Variants in ARHGEF11 observed in about 807,000 individuals in gnomAD.
The protein encoded by ARHGEF11 is Rho guanine nucleotide exchange factor 11.
Under a neutral mutation model 193.7 loss-of-function variants are expected in ARHGEF11, and 55 were observed. The observed-to-expected ratio is 0.28, with a 90% CI of 0.23 to 0.36. The LOEUF is 0.36. ARHGEF11 is among the 10% of genes least tolerant of loss of function. ARHGEF11 has a pLI of 1.00. For synonymous variants in ARHGEF11, 693 were observed against 768.0 expected (o/e 0.90, Z 1.62); for missense variants, 1,723 against 2,005.6 (o/e 0.86, Z 2.69).
chr1:156,939,259 C>A (rs929211375), intron 37 of ARHGEF11: 4 of 412,294 alleles, frequency 9.7e-6, no homozygotes, highest in Middle Eastern at 7.1e-4. Flanking sequence ...TTGGTTTGTG[C>A]CAGGCAGAAA....
chr1:156,984,458 T>C (rs758367056), intron 2 of ARHGEF11, 21 bp from the exon 3 acceptor site: 141 of 1,558,292 alleles, frequency 9.0e-5, no homozygotes, highest in Middle Eastern at 8.5e-4. Context: ...GAGAGAAAGG[T>C]TGAGTACGCA....
intron 6 of ARHGEF11, among the ~76,000 whole-genome samples, chr1:156,977,902 T>C (rs1663487866): frequency 6.6e-6 from 1 of 152,202 alleles, no homozygotes; most frequent in Admixed American, 6.5e-5. Context: ...GTGTACACTC[T>C]CTCTCTGATG....
intron 28 of ARHGEF11, 60 bp from the exon 29 acceptor site, chr1:156,946,222 G>A: frequency 1.4e-6 from 2 of 1,430,382 alleles, no homozygotes; most frequent in Non-Finnish European, 2.0e-6. Flanking sequence ...CTGGCTTATG[G>A]GCTCAGGGCC....
chr1:156,941,719 T>C (rs1434297150), intron 34 of ARHGEF11, 145 bp downstream of exon 34: 2 of 1,257,204 alleles, frequency 1.6e-6, no homozygotes, highest in South Asian at 1.4e-5. Context: ...TGTTCCTCCA[T>C]CTGCCAGCAC....
intron 1 of ARHGEF11, among the ~76,000 whole-genome samples, chr1:157,012,360 T>G (rs188712090): frequency 2.0e-5 from 3 of 152,108 alleles, no homozygotes; most frequent in Non-Finnish European, 4.4e-5. Flanking sequence ...GGGAAGAGCA[T>G]AGGGTTTCCA....
chr1:156,936,597 G>A (rs142739835), intron 40 of ARHGEF11, among the ~76,000 whole-genome samples: 58 of 147,208 alleles, frequency 3.9e-4, no homozygotes, highest in African/African-American at 1.4e-3. Context: ...ATAGCACAAG[G>A]AAAAAGAGGG....
At chr1:156,979,106 T>C (rs757658671) in intron 5 of ARHGEF11, 123 bp downstream of exon 5, 3 of 850,746 alleles carry the variant, frequency 3.5e-6, no homozygotes, top group South Asian at 1.5e-5. Flanking sequence ...GATGTGACTT[T>C]AGCTGCCTCA....
At chr1:156,950,811 T>C (rs2101987133) in intron 22 of ARHGEF11, among the ~76,000 whole-genome samples, 1 of 152,264 alleles carries the variant, frequency 6.6e-6, no homozygotes, top group South Asian at 2.1e-4. Context: ...CACAAGACCA[T>C]ATTACTCTAC....
chr1:157,045,831 C>A (rs939409632), upstream of ARHGEF11, among the ~76,000 whole-genome samples: 3 of 151,142 alleles, frequency 2.0e-5, no homozygotes, highest in East Asian at 1.9e-4. Flanking sequence ...CGGCCGCCCC[C>A]CTTCCCTCCC....
intron 1 of ARHGEF11, among the ~76,000 whole-genome samples, chr1:157,017,933 C>G (rs773597111): frequency 2.6e-5 from 4 of 151,898 alleles, no homozygotes; most frequent in African/African-American, 4.8e-5. Context: ...ATCAAGCAAG[C>G]TGATTCTAAA....
At chr1:156,983,369 C>T (rs1019925467) in intron 3 of ARHGEF11, among the ~76,000 whole-genome samples, 7 of 150,822 alleles carry the variant, frequency 4.6e-5, no homozygotes, top group African/African-American at 1.7e-4. Context: ...CTACAGGCGC[C>T]TGCCACCACG....
intron 36 of ARHGEF11, 31 bp downstream of exon 36, chr1:156,940,176 G>C: frequency 6.5e-7 from 1 of 1,540,004 alleles, no homozygotes; most frequent in Non-Finnish European, 8.8e-7. Flanking sequence ...CTGGGGACCA[G>C]GGGCTGACGG....
chr1:156,973,770 A>G (rs1015900125), intron 7 of ARHGEF11, among the ~76,000 whole-genome samples: 2 of 152,184 alleles, frequency 1.3e-5, no homozygotes, highest in Admixed American at 6.5e-5. Flanking sequence ...TCACCAATGG[A>G]TAAGTTCTAC....
rs2102060448 is a variant in ARHGEF11 at position 156,955,743 on chromosome 1, G to A, written c.1728C>T (p.Ile576=). The A allele has an allele frequency of 1.2e-6, 2 of 1,614,188 alleles. No homozygotes were observed. Among genetic ancestry groups the A allele is most frequent in the South Asian group, 1.1e-5 (1 of 91,082 alleles). The change falls in exon 20 of 41, where the codon ATC becomes ATT. Residue 576 remains isoleucine (I), a synonymous_variant. Transcript: ENST00000368194. ...DALEDKKRNP[I]LKYIGKPKSS... ...TTTTGGGCTTCCCAATGTATTTGAG[G>A]ATAGGGTTTCGCTTCTTGTCCTCCA...
At chr1:156,997,773 CAA>C (rs1422322221) in intron 1 of ARHGEF11, among the ~76,000 whole-genome samples, 1 of 151,432 alleles carries the variant, frequency 6.6e-6, no homozygotes, top group African/African-American at 2.4e-5. Flanking sequence ...TAAAATATCT[CAA>C]TAACTTTTTA....
chr1:156,951,481 A>AG, intron 22 of ARHGEF11, 92 bp downstream of exon 22: 1 of 1,534,430 alleles, frequency 6.5e-7, no homozygotes, highest in Non-Finnish European at 8.8e-7. Flanking sequence ...GCTAGTGGAG[A>AG]GGGGTCAAGT....
Position 156,948,322 on chromosome 1 carries a change from G to A in ARHGEF11, c.2102C>T (p.Thr701Ile), listed in dbSNP as rs1208829836. Residue 701 changes from threonine (T) to isoleucine (I), a missense_variant, in exon 23 of 41, where the codon ACC becomes ATC. Thr to Ile is a moderately conservative substitution (Grantham distance 89). Coordinates refer to ENST00000368194, the MANE Select transcript of ARHGEF11 (RefSeq NM_198236.3). The surrounding 1 kb of genome is among the most constrained non-coding windows in gnomAD (Gnocchi z 4.2). ...CAGCCGTTGTAGCCCTGCCCACCTG[G>A]TGGAGAGGCTGGAGGTAGAGGACGA... ...SASSSTSSLS[T>I]RSLENPTPPF... 5.0e-6 allele frequency: 8 copies of A among 1,613,830 alleles called. No individual in the cohort carries two copies. Among genetic ancestry groups the A allele is most frequent in the Non-Finnish European group, 6.8e-6 (8 of 1,179,844 alleles).
chr1:157,021,650 T>TA (rs534307712), intron 1 of ARHGEF11, among the ~76,000 whole-genome samples: 49 of 146,274 alleles, frequency 3.3e-4, no homozygotes, highest in African/African-American at 1.1e-3. Context: ...GAAAAAAAGT[T>TA]AGACTAAATT....
intron 1 of ARHGEF11, among the ~76,000 whole-genome samples, chr1:156,991,869 A>G (rs113052777): frequency 6.7e-6 from 1 of 149,856 alleles, no homozygotes; most frequent in African/African-American, 2.5e-5. Context: ...GGCGCCCGCC[A>G]CTACGCCCGG....
Sources: allele counts gnomAD v4.1 joint callset (sites outside exome capture counted in the v4.1 genomes callset), GRCh38; gene constraint gnomAD v4.1.1; non-coding constraint Gnocchi (gnomAD v3.1); transcripts MANE v1.5; gene names NCBI Gene and HGNC (gene_info 2026-07-23, HGNC 2026-07-21).